Variants in TEAD3 observed in about 807,000 individuals in gnomAD.
TEAD3 encodes the protein TEA domain transcription factor 3.
TEAD3 carries 15 observed loss-of-function variants against 55.6 expected under a neutral mutation model. The observed-to-expected ratio is 0.27, with a 90% confidence interval of 0.18 to 0.42. The LOEUF is 0.42. Ranked by LOEUF, TEAD3 falls within the 10% of genes least tolerant of loss-of-function variation. The pLI is 1.00. For synonymous variants in TEAD3, 210 were observed against 232.2 expected (o/e 0.90, Z 0.87); for missense variants, 407 against 576.8 (o/e 0.71, Z 3.01).
chr6:35,495,938 A>C (rs1327292659), intron 1 of TEAD3, among the ~76,000 whole-genome samples: 1 of 152,210 alleles, frequency 6.6e-6, no homozygotes, highest in Non-Finnish European at 1.5e-5. Flanking sequence ...GTCCGCCCCA[A>C]GGCCTCCTTC....
intron 1 of TEAD3, among the ~76,000 whole-genome samples, chr6:35,494,457 G>T (rs1316659492): frequency 6.6e-6 from 1 of 152,182 alleles, no homozygotes; most frequent in Non-Finnish European, 1.5e-5. Context: ...AACACCAGGA[G>T]GGGAGGGGAG....
chr6:35,475,180 A>G lies in TEAD3; in HGVS notation c.1195-23T>C. On this transcript the variant is annotated intron_variant, in intron 12 of 12. Transcript: ENST00000639578. The surrounding 1 kb of genome is among the most constrained non-coding windows in gnomAD (Gnocchi z 5.4). ...CACCTGGGGGGTGAGCAGGTAAGAGATTCAGGAGGTCAGGGAGAAAAGGGC... is the reference window on the plus strand; with the variant it reads ...CACCTGGGGGGTGAGCAGGTAAGAGGTTCAGGAGGTCAGGGAGAAAAGGGC... 3.8e-6 allele frequency: 6 copies of G among 1,570,194 alleles called. No individual in the cohort carries two copies. Among genetic ancestry groups the G allele is most frequent in the Non-Finnish European group, 5.2e-6 (6 of 1,157,002 alleles).
At chr6:35,487,902 G>A (rs956041531) in intron 1 of TEAD3, among the ~76,000 whole-genome samples, 1 of 152,182 alleles carries the variant, frequency 6.6e-6, no homozygotes, top group African/African-American at 2.4e-5. Context: ...GCAGGGCTGT[G>A]TTTCCTCAGC....
intron 1 of TEAD3, among the ~76,000 whole-genome samples, chr6:35,490,352 G>A (rs1178995519): frequency 1.3e-5 from 2 of 152,168 alleles, no homozygotes; most frequent in Non-Finnish European, 2.9e-5. Context: ...GGGAGGGGAG[G>A]GGGGACGGCC....
chr6:35,479,436 C>T, intron 4 of TEAD3, 120 bp from the exon 5 acceptor site: 1 of 1,285,390 alleles, frequency 7.8e-7, no homozygotes, highest in Non-Finnish European at 1.1e-6. Flanking sequence ...CCGAGGAGCC[C>T]AAGGAAGCTC....
In TEAD3 at chr6:35,475,767, C is replaced by T. The variant is rs912648993; in HGVS notation, c.901-61G>A. The T allele has an allele frequency of 9.2e-6, 14 of 1,526,182 alleles. No individual in the cohort carries two copies. Among genetic ancestry groups the T allele is most frequent in the Non-Finnish European group, 1.1e-5 (12 of 1,137,782 alleles). 94.5% of individuals were successfully genotyped at this position (1,526,182 alleles called of 1,614,324 possible). On this transcript the variant is annotated intron_variant, in intron 10 of 12. Transcript: ENST00000639578. The surrounding 1 kb of genome is among the most constrained non-coding windows in gnomAD (Gnocchi z 5.4). ...GAGACCAGAAGTATTCCCGCCACAC[C>T]ACATCAGAGTCCTGCCCAAGGATCC...
At chr6:35,480,624 C>T (rs879394761) in intron 3 of TEAD3, among the ~76,000 whole-genome samples, 3 of 152,196 alleles carry the variant, frequency 2.0e-5, no homozygotes, top group Admixed American at 6.5e-5. Flanking sequence ...CCATTGTGCC[C>T]GGTTCAGACA....
intron 3 of TEAD3, among the ~76,000 whole-genome samples, chr6:35,482,097 G>C (rs985496593): frequency 1.3e-5 from 2 of 152,114 alleles, no homozygotes; most frequent in African/African-American, 2.4e-5. Flanking sequence ...CGATTCTCCT[G>C]TCTTAGCCTC....
intron 9 of TEAD3, 54 bp downstream of exon 9, chr6:35,476,248 G>A (rs953353589): frequency 9.5e-6 from 15 of 1,581,808 alleles, no homozygotes; most frequent in Non-Finnish European, 1.0e-5. Flanking sequence ...TGGATCACCC[G>A]GCCGGCCTCT....
At chr6:35,478,446 G>T in exon 6 of TEAD3, 1 of 1,613,620 alleles carries the variant, frequency 6.2e-7, no homozygotes, top group South Asian at 1.1e-5. Flanking sequence ...GCGAGGAAGT[G>T]GAGAAGACGG....
Position 35,496,019 on chromosome 6 carries a change from C to T in TEAD3, c.-50+879G>A, listed in dbSNP as rs1282875094. Among the ~76,000 whole-genome samples the T allele has an allele frequency of 6.6e-6, 1 of 152,224 alleles. No individual in the cohort carries two copies. The highest frequency in any genetic ancestry group is 1.5e-5 in the Non-Finnish European group (1 of 68,046). On this transcript the variant is annotated intron_variant, in intron 1 of 12. Coordinates refer to ENST00000639578, the Ensembl canonical transcript of TEAD3. This position sits in a 1 kb window ranked among gnomAD's most constrained non-coding sequence, Gnocchi z 4.8. ...ACCAGGAAAGTTGACAGAGCGGGGT[C>T]TCAATGACACTGCCCCAGGGCCCAG...
At chr6:35,480,716 A>C (rs2150912350) in intron 3 of TEAD3, among the ~76,000 whole-genome samples, 1 of 152,294 alleles carries the variant, frequency 6.6e-6, no homozygotes, top group South Asian at 2.1e-4. Flanking sequence ...CACCATGTAC[A>C]GCTGCACAGG....
chr6:35,492,500 G>C (rs1271827354), intron 1 of TEAD3, among the ~76,000 whole-genome samples: 1 of 152,178 alleles, frequency 6.6e-6, no homozygotes, highest in African/African-American at 2.4e-5. Flanking sequence ...ACCCTGCCAG[G>C]CTGGGGAGGG....
rs751649368 is a variant in TEAD3 at position 35,475,518 on chromosome 6, G to A, written c.1042-30C>T. ...AGAGAATATGGAGAAGGCGTCACTC[G>A]GCCTGCCTGCTCCCAGCCCCACCAA... is the stretch of plus-strand genomic sequence containing the variant. On this transcript the variant is annotated intron_variant, in intron 11 of 12. Coordinates refer to ENST00000639578, the Ensembl canonical transcript of TEAD3. This position sits in a 1 kb window ranked among gnomAD's most constrained non-coding sequence, Gnocchi z 5.4. 10 of 1,604,482 alleles carry A rather than the reference G, an allele frequency of 6.2e-6. No individual in the cohort carries two copies. Among genetic ancestry groups the A allele is most frequent in the South Asian group, 1.1e-5 (1 of 90,262 alleles).
downstream of TEAD3, chr6:35,473,979 G>T (rs1061645): frequency 6.6e-6 from 1 of 152,520 alleles, no homozygotes; most frequent in Non-Finnish European, 1.5e-5. Flanking sequence ...TTCAGTCCCA[G>T]AACTGGGTCT....
chr6:35,479,407 T>C, intron 4 of TEAD3, 91 bp from the exon 5 acceptor site: 1 of 1,512,774 alleles, frequency 6.6e-7, no homozygotes, highest in Non-Finnish European at 9.2e-7. Flanking sequence ...CTCCACCCAG[T>C]GCCCATGGGT....
chr6:35,478,163 T>C, intron 7 of TEAD3, 112 bp downstream of exon 7: 1 of 1,346,286 alleles, frequency 7.4e-7, no homozygotes, highest in Non-Finnish European at 1.0e-6. Context: ...CCTGCATCCC[T>C]CTATTTTTGA....
chr6:35,495,647 G>A (rs1768627918), intron 1 of TEAD3, among the ~76,000 whole-genome samples: 1 of 152,126 alleles, frequency 6.6e-6, no homozygotes. Context: ...GGGGCTACAG[G>A]AGTCTAGAAG....
chr6:35,480,417 A>T (rs1319376150), intron 3 of TEAD3, 43 bp from the exon 4 acceptor site: 2 of 1,608,574 alleles, frequency 1.2e-6, no homozygotes, highest in African/African-American at 2.7e-5. Context: ...AAACATAGAC[A>T]GTGAGGAGGC....
Sources: allele counts gnomAD v4.1 joint callset (sites outside exome capture counted in the v4.1 genomes callset), GRCh38; gene constraint gnomAD v4.1.1; non-coding constraint Gnocchi (gnomAD v3.1); transcripts MANE v1.5; gene names NCBI Gene and HGNC (gene_info 2026-07-23, HGNC 2026-07-21).